LRP1: variants seen among roughly 807,000 people sequenced by gnomAD.
The protein encoded by LRP1 is prolow-density lipoprotein receptor-related protein 1.
LRP1 carries 51 observed loss-of-function variants against 541.5 expected under a neutral mutation model. The ratio of observed to expected loss-of-function variants is 0.09; its 90% CI spans 0.08 to 0.12. The LOEUF is 0.12. LRP1 is among the 10% of genes least tolerant of loss of function. The pLI, the probability that LRP1 is intolerant of heterozygous loss-of-function variation, is 1.00. For missense variants in LRP1, 3,878 were observed against 6,376.2 expected (o/e 0.61, Z 13.34); for synonymous variants, 2,219 against 2,470.8 (o/e 0.90, Z 3.02).
In LRP1 at chr12:57,179,610, C is replaced by A; in HGVS notation, c.4966+54C>A. The A allele has an allele frequency of 6.5e-7, 1 of 1,535,330 alleles. No homozygotes were observed. The highest frequency in any genetic ancestry group is 2.3e-5 in the East Asian group (1 of 44,304). On this transcript the variant is annotated intron_variant, in intron 29 of 88. Coordinates refer to ENST00000243077, the MANE Select transcript of LRP1 (RefSeq NM_002332.3). The surrounding 1 kb of genome is among the most constrained non-coding windows in gnomAD (Gnocchi z 6.8). Reference sequence around the variant, plus strand: ...TGGACATGGGCACCTCCACCCGCCCCTTGCTCCCAACCCTGGTCTACTTGG... The same window carrying A: ...TGGACATGGGCACCTCCACCCGCCCATTGCTCCCAACCCTGGTCTACTTGG...
In LRP1 at chr12:57,195,822, C is replaced by T. The variant is rs367861923; in HGVS notation, c.8561-41C>T. On this transcript the variant is annotated intron_variant, in intron 53 of 88. Transcript: ENST00000243077. Reference sequence around the variant, plus strand: ...GGTGGGAGGAGGCCCTGCCCTCTGCCGGGCCAGGGCATCAGCCTCACAGGT... The same window carrying T: ...GGTGGGAGGAGGCCCTGCCCTCTGCTGGGCCAGGGCATCAGCCTCACAGGT... The T allele has an allele frequency of 2.2e-4, 360 of 1,614,032 alleles. 5 individuals carry two copies. The African/African-American group carries it at 2.6e-3, about 12-fold the overall frequency.
At position 57,193,593 on chromosome 12, in the gene LRP1, G is replaced by T. The variant is rs749868733; in HGVS notation, c.7712G>T (p.Arg2571Leu). 1.2e-6 allele frequency: 2 copies of T among 1,614,110 alleles called. 1 individual carries two copies. The highest frequency in any genetic ancestry group is 3.3e-5 in the Admixed American group (2 of 60,014). The change falls in exon 47 of 89, where the codon CGG (arginine) becomes CTG (leucine). Residue 2571 changes from arginine (R) to leucine (L), a missense_variant. Arg to Leu is a moderately radical substitution (Grantham distance 102). Around this residue, in one of 13 missense-constraint regions of LRP1, gnomAD observed 1,100 missense variants for 1,827.4 expected, o/e 0.60. Coordinates refer to ENST00000243077, the MANE Select transcript of LRP1 (RefSeq NM_002332.3). ...TCCCGCCGCTGCAAGAAGACTTTCCGGCAGTGCAGCAATGGGCGCTGTGTG... is the reference window on the plus strand; with the variant it reads ...TCCCGCCGCTGCAAGAAGACTTTCCTGCAGTGCAGCAATGGGCGCTGTGTG... ...CNSRRCKKTFRQCSNGRCVSN... is the reference protein window; with the variant it reads ...CNSRRCKKTFLQCSNGRCVSN...
Position 57,198,537 on chromosome 12 carries a change from C to T in LRP1, c.9543C>T (p.Ser3181=), listed in dbSNP as rs754817842. The T allele has an allele frequency of 2.4e-5, 38 of 1,613,866 alleles. No homozygotes were observed. Among genetic ancestry groups the T allele is most frequent in the Non-Finnish European group, 3.0e-5 (35 of 1,179,976 alleles). ...TCGGCATGGATGGGTCCAGCCGCAG[C>T]GTCATCGTGGACACCAAGATCACAT... is the stretch of plus-strand genomic sequence containing the variant. ...GRIGMDGSSR[S]VIVDTKITWP... Residue 3181 remains serine, a synonymous_variant, in exon 60 of 89, where the codon AGC becomes AGT. Coordinates refer to ENST00000243077, the MANE Select transcript of LRP1 (RefSeq NM_002332.3).
chr12:57,176,034 A>C lies in LRP1; in HGVS notation c.3919A>C (p.Ser1307Arg), dbSNP rs1400779843. 1.2e-6 allele frequency: 2 copies of C among 1,614,106 alleles called. No individual in the cohort carries two copies. The highest frequency in any genetic ancestry group is 1.3e-5 in the African/African-American group (1 of 74,954). The change falls in exon 24 of 89, where the codon AGC (serine) becomes CGC (arginine). Residue 1307 changes from serine (S) to arginine (R), a missense_variant. Physicochemically the swap from Ser to Arg is moderately radical, Grantham distance 110 (BLOSUM62 -1). Coordinates refer to ENST00000243077, the MANE Select transcript of LRP1 (RefSeq NM_002332.3). ...RNTIALDFHL[S>R]QSALYWTDVV... ...CACCATCGCCCTGGACTTCCACCTC[A>C]GCCAGAGCGCCCTCTACTGGACCGA...
intron 68 of LRP1, 93 bp downstream of exon 68, chr12:57,202,630 G>A (rs1392136480): frequency 4.9e-6 from 5 of 1,013,628 alleles, no homozygotes; most frequent in Non-Finnish European, 7.5e-6. Context: ...CAGAGCTGGT[G>A]GCCACCTCCC....
chr12:57,166,061 C>G, intron 16 of LRP1, 23 bp from the exon 17 acceptor site: 1 of 1,614,040 alleles, frequency 6.2e-7, no homozygotes, highest in Non-Finnish European at 8.5e-7. Flanking sequence ...TTCTCGCTGA[C>G]CCCTGACTCA....
rs1344028649 is a variant in LRP1, at chr12:57,212,095, T to C, written c.13350-22T>C. The C allele has an allele frequency of 2.5e-6, 4 of 1,613,592 alleles. No individual in the cohort carries two copies. Among genetic ancestry groups the C allele is most frequent in the East Asian group, 2.2e-5 (1 of 44,890 alleles). The stretch of plus-strand genomic sequence containing the variant: ...TTCCCCCCCAATAATCTCTGTCTCC[T>C]TATACTCCTGCCTTTCCCCAGGGCT... On this transcript the variant is annotated intron_variant, in intron 87 of 88. Coordinates refer to ENST00000243077, the MANE Select transcript of LRP1 (RefSeq NM_002332.3). The surrounding 1 kb of genome is among the most constrained non-coding windows in gnomAD (Gnocchi z 5.0).
chr12:57,193,914 T>C lies in LRP1; in HGVS notation c.7820T>C (p.Val2607Ala). 6.2e-7 allele frequency: 1 copy of C among 1,614,070 alleles called. No individual in the cohort carries two copies. The highest frequency in any genetic ancestry group is 1.1e-5 in the South Asian group (1 of 91,074). The stretch of plus-strand genomic sequence containing the variant: ...ACTGTTCTAGAGACAGCCTGTGGTG[T>C]GGGCGAGTTCCGCTGCCGGGACGGG... Reference protein sequence around the residue: ...EIPCNKTACGVGEFRCRDGTC... With the variant: ...EIPCNKTACGAGEFRCRDGTC... Residue 2607 changes from valine to alanine, a missense_variant, in exon 48 of 89, where the codon GTG (valine) becomes GCG (alanine). Val to Ala is a moderately conservative substitution (Grantham distance 64). Transcript: ENST00000243077.
Position 57,200,471 on chromosome 12 carries a change from C to T in LRP1, c.10044C>T (p.Pro3348=). Residue 3348 remains proline (P), a synonymous_variant, in exon 63 of 89, where the codon CCC becomes CCT. Transcript: ENST00000243077. ...QFVCKNDKCI[P]FWWKCDTEDD... is the part of the protein sequence containing the mutation. Reference sequence around the variant, plus strand: ...TATGCAAGAACGACAAGTGCATCCCCTTCTGGTGGAAGTGTGACACCGAGG... The same window carrying T: ...TATGCAAGAACGACAAGTGCATCCCTTTCTGGTGGAAGTGTGACACCGAGG... The T allele has an allele frequency of 1.2e-6, 2 of 1,613,820 alleles. No individual in the cohort carries two copies. Among genetic ancestry groups the T allele is most frequent in the African/African-American group, 2.7e-5 (2 of 74,978 alleles).
chr12:57,207,810 A>G (rs2036816895), intron 76 of LRP1, among the ~76,000 whole-genome samples: 1 of 152,226 alleles, frequency 6.6e-6, no homozygotes, highest in African/African-American at 2.4e-5. Flanking sequence ...TTTGTTTATC[A>G]ATAAAATTAG....
rs747333240 is a variant in LRP1 at position 57,195,117 on chromosome 12, T to C, written c.8308+16T>C. 42 of 1,610,642 alleles carry C rather than the reference T, an allele frequency of 2.6e-5. No homozygotes were observed. Among genetic ancestry groups the C allele is most frequent in the Middle Eastern group, 1.6e-4 (1 of 6,072 alleles). On this transcript the variant is annotated intron_variant, in intron 51 of 88. Coordinates refer to ENST00000243077, the MANE Select transcript of LRP1 (RefSeq NM_002332.3). ...GCTCACTGTGGTAAGGAAGCTGGGA[T>C]TGGGCCGGGGGAGGTGCCCCAGGGA...
At position 57,197,267 on chromosome 12, in the gene LRP1, C is replaced by T. The variant is rs1346576406; in HGVS notation, c.9077-32C>T. 6.2e-7 allele frequency: 1 copy of T among 1,612,736 alleles called. No individual in the cohort carries two copies. The highest frequency in any genetic ancestry group is 1.3e-5 in the African/African-American group (1 of 74,898). The stretch of plus-strand genomic sequence containing the variant: ...AGGAGACCAGGGCCGCTAGAATGTG[C>T]CAGGAGCTGAGGCAAGATCCTCTGT... On this transcript the variant is annotated intron_variant, in intron 56 of 88. Transcript: ENST00000243077. The surrounding 1 kb of genome is among the most constrained non-coding windows in gnomAD (Gnocchi z 4.5).
chr12:57,173,085 T>A lies in LRP1; in HGVS notation c.3164-83T>A. 8.3e-7 allele frequency: 1 copy of A among 1,211,704 alleles called. No individual in the cohort carries two copies. The highest frequency in any genetic ancestry group is 1.2e-6 in the Non-Finnish European group (1 of 867,988). 75.1% of individuals were successfully genotyped at this position (1,211,704 alleles called of 1,614,324 possible). On this transcript the variant is annotated intron_variant, in intron 20 of 88. Transcript: ENST00000243077. This position sits in a 1 kb window ranked among gnomAD's most constrained non-coding sequence, Gnocchi z 4.7. ...TCTGCTCATATCCCCAGGCTGGGCT[T>A]ACCGGGGTGGCAGGGCACAGGGATG...
chr12:57,148,052 A>G, intron 6 of LRP1, among the ~76,000 whole-genome samples: 1 of 152,258 alleles, frequency 6.6e-6, no homozygotes, highest in African/African-American at 2.4e-5. Context: ...GAGCCGGAAG[A>G]GAAGGCAAGA....
At chr12:57,134,385 C>T (rs1440394900) in intron 1 of LRP1, among the ~76,000 whole-genome samples, 1 of 152,226 alleles carries the variant, frequency 6.6e-6, no homozygotes, top group Non-Finnish European at 1.5e-5. Flanking sequence ...TTAAAATCCT[C>T]TCCCCACTGC....
chr12:57,200,240 C>T (rs762505736), intron 62 of LRP1: 1 of 638,790 alleles, frequency 1.6e-6, no homozygotes, highest in Non-Finnish European at 2.8e-6. Context: ...CTTGACCCTC[C>T]TTGCCATGCT....
At chr12:57,152,111 C>T (rs1469668820) in intron 6 of LRP1, among the ~76,000 whole-genome samples, 2 of 152,106 alleles carry the variant, frequency 1.3e-5, no homozygotes, top group Non-Finnish European at 2.9e-5. Context: ...GGGAGGGAAT[C>T]CAGGCCACAT....
At position 57,210,151 on chromosome 12, in the gene LRP1, C is replaced by T. The variant is rs757497414; in HGVS notation, c.12562C>T (p.Pro4188Ser). 4 of 1,604,546 alleles carry T rather than the reference C, an allele frequency of 2.5e-6. No homozygotes were observed. The highest frequency in any genetic ancestry group is 2.2e-5 in the East Asian group (1 of 44,778). ...CGGCACATGCGTGCCTGTGCCCTCT[C>T]CAACGCCCCCCCCAGATGGTATGCT... ...DNGTCVPVPS[P>S]TPPPDAPRPG... The change falls in exon 81 of 89, where the codon CCA becomes TCA. Residue 4188 changes from proline (P) to serine (S), a missense_variant. This residue lies in a region of LRP1 where 871 missense variants were observed against 1,212.4 expected (regional missense o/e 0.72). Transcript: ENST00000243077.
At chr12:57,146,176 C>T (rs911375050) in intron 6 of LRP1, among the ~76,000 whole-genome samples, 2 of 151,972 alleles carry the variant, frequency 1.3e-5, no homozygotes, top group Non-Finnish European at 2.9e-5. Flanking sequence ...GACCCACTGC[C>T]GGGAACAGCC....
Sources: allele counts gnomAD v4.1 joint callset (sites outside exome capture counted in the v4.1 genomes callset), GRCh38; gene constraint gnomAD v4.1.1; regional missense constraint gnomAD v4.1.1; non-coding constraint Gnocchi (gnomAD v3.1); transcripts MANE v1.5; gene names NCBI Gene and HGNC (gene_info 2026-07-23, HGNC 2026-07-21).